Variants in RIF1 observed in about 807,000 individuals in gnomAD.
RIF1 encodes telomere-associated protein RIF1.
RIF1 carries 45 observed loss-of-function variants against 247.1 expected under a neutral mutation model. The ratio of observed to expected loss-of-function variants is 0.18; its 90% confidence interval spans 0.14 to 0.23. The LOEUF (loss-of-function observed/expected upper bound fraction) is 0.23. RIF1 is among the 10% of genes least tolerant of loss of function. The pLI, the probability that RIF1 is intolerant of heterozygous loss-of-function variation, is 1.00. For synonymous variants in RIF1, 1,087 were observed against 978.8 expected, an observed-to-expected ratio of 1.11 and a Z score of -2.06; for missense variants, 2,967 against 2,862.5, an observed-to-expected ratio of 1.04 and a Z score of -0.83.
rs765531301 is a variant in RIF1, at chr2:151,435,501, T to A, written c.1116T>A (p.Asp372Glu). The change falls in exon 11 of 36, where the codon GAT becomes GAA. Residue 372 changes from aspartate (D) to glutamate (E), a missense_variant. Around this residue, in one of 7 missense-constraint regions of RIF1, gnomAD observed 369 missense variants for 322.0 expected, o/e 1.15. Coordinates refer to ENST00000444746, the MANE Select transcript of RIF1 (RefSeq NM_018151.5). ...VPLIQSTISIDSNASPQGNSC... is the reference protein window; with the variant it reads ...VPLIQSTISIESNASPQGNSC... ...TGATTCAAAGTACAATAAGCATTGA[T>A]TCTAATGCCTCACCTCAGGGCAATT... The A allele has an allele frequency of 6.2e-7, 1 of 1,612,784 alleles. No individual in the cohort carries two copies. Among genetic ancestry groups the A allele is most frequent in the Admixed American group, 1.7e-5 (1 of 60,018 alleles).
At position 151,410,011 on chromosome 2, in the gene RIF1, G is replaced by A. The variant is rs1422795461; in HGVS notation, c.-33G>A. On this transcript the variant is annotated 5_prime_UTR_variant, in exon 1 of 36. Coordinates refer to ENST00000444746, the MANE Select transcript of RIF1 (RefSeq NM_018151.5). ...GGGTGCTGAGGGGCAGAGGCGGAGA[G>A]AACCCTGTCCTGATCTTCCTAGGTG... The A allele has an allele frequency of 2.8e-6, 2 of 702,754 alleles. No homozygotes were observed. The highest frequency in any genetic ancestry group is 3.5e-5 in the African/African-American group (2 of 57,282). The allele number at this position is 702,754 out of a possible 1,614,324, so 43.5% of individuals were successfully genotyped here. A position where few individuals can be genotyped will look rare whatever the true frequency, so the allele number is the denominator to read the frequency against.
rs919820878 is a variant in RIF1 at position 151,481,922 on chromosome 2, G to A, written c.*6851G>A. The A allele has an allele frequency of 2.6e-5, 4 of 152,188 alleles. No homozygotes were observed. Among genetic ancestry groups the A allele is most frequent in the Admixed American group, 6.5e-5 (1 of 15,274 alleles). 9.4% of individuals were successfully genotyped at this position (152,188 alleles called of 1,614,324 possible). A position where few individuals can be genotyped will look rare whatever the true frequency, so the allele number is the denominator to read the frequency against. On this transcript the variant is annotated 3_prime_UTR_variant, in exon 36 of 36. Coordinates refer to ENST00000444746, the MANE Select transcript of RIF1 (RefSeq NM_018151.5). Reference sequence around the variant, plus strand: ...CTGTGTCTGTGGAAATTGTCTCCACGAAACCGGTCCCTGTTGAAAAAAGGT... The same window carrying A: ...CTGTGTCTGTGGAAATTGTCTCCACAAAACCGGTCCCTGTTGAAAAAAGGT...
At chr2:151,418,571 C>T (rs1157570172) in intron 6 of RIF1, among the ~76,000 whole-genome samples, 1 of 152,056 alleles carries the variant, frequency 6.6e-6, no homozygotes, top group Admixed American at 6.6e-5. Flanking sequence ...TTTGGCCAGG[C>T]ACAGTGGTTC....
chr2:151,513,868 G>C, the RIF1 span, among the ~76,000 whole-genome samples: 188 of 152,322 alleles, frequency 1.2e-3, no homozygotes, highest in African/African-American at 4.2e-3. Context: ...GTCTTCAGAA[G>C]CCCTCTGGAG....
At chr2:151,487,069 G>T (rs1009926272), downstream of RIF1, among the ~76,000 whole-genome samples, 1 of 152,202 alleles carries the variant, frequency 6.6e-6, no homozygotes, top group African/African-American at 2.4e-5. Context: ...GCATGTGCGT[G>T]TGTGTGTACT....
chr2:151,436,980 A>G lies in RIF1; in HGVS notation c.1349A>G (p.Gln450Arg), dbSNP rs1357651978. ...CCAGAAGCCTTGAGTTTTGCTAAGCAAAATAAACTTGTGCTGAGCTTAGGT... is the reference window on the plus strand; with the variant it reads ...CCAGAAGCCTTGAGTTTTGCTAAGCGAAATAAACTTGTGCTGAGCTTAGGT... ...LGPEALSFAK[Q>R]NKLVLSLEPL... The change falls in exon 12 of 36, where the codon CAA (glutamine) becomes CGA (arginine). Residue 450 changes from glutamine to arginine, a missense_variant. By Grantham distance (43) the Gln-to-Arg change is conservative (BLOSUM62 1). Around this residue, in one of 7 missense-constraint regions of RIF1, gnomAD observed 369 missense variants for 322.0 expected, o/e 1.15. Coordinates refer to ENST00000444746, the MANE Select transcript of RIF1 (RefSeq NM_018151.5). The G allele has an allele frequency of 1.2e-6, 2 of 1,612,712 alleles. No homozygotes were observed. The highest frequency in any genetic ancestry group is 2.2e-5 in the East Asian group (1 of 44,892).
At chr2:151,482,303 C>A (rs77264757), downstream of RIF1, 6 of 151,972 alleles carry the variant, frequency 3.9e-5, no homozygotes, top group African/African-American at 7.3e-5. Flanking sequence ...AAACATGAAC[C>A]CTTCCTTTTC....
At position 151,410,182 on chromosome 2, in the gene RIF1, T is replaced by C. The variant is rs548496337; in HGVS notation, c.-11+149T>C. 1.6e-5 allele frequency: 10 copies of C among 641,512 alleles called. No individual in the cohort carries two copies. In the East Asian group the frequency reaches 2.7e-4, roughly 17 times the overall value. The allele number at this position is 641,512 out of a possible 1,614,324, so 39.7% of individuals were successfully genotyped here. ...CTCTGTTGAAAGCTGCCCGGGAAAG[T>C]GGTGGCGGGAGCGGGCCCAGGCCCG... On this transcript the variant is annotated intron_variant, in intron 1 of 35. Transcript: ENST00000444746.
At chr2:151,498,327 G>A in intron 10 of RIF1, 1 of 1,550,800 alleles carries the variant, frequency 6.4e-7, no homozygotes, top group Non-Finnish European at 8.7e-7. Context: ...TGGAATTCCT[G>A]TCCCCAGGTT....
rs150672982 is a variant in RIF1, at chr2:151,464,758, C to A, written c.5238C>A (p.Leu1746=). Residue 1746 remains leucine (L), a synonymous_variant, in exon 30 of 36, where the codon CTC becomes CTA. Coordinates refer to ENST00000444746, the MANE Select transcript of RIF1 (RefSeq NM_018151.5). ...AATCACAACCTCAGGAAAAGTCACT[C>A]ATTGGGTTAAAGAATACAGAAAATA... ...GEKSQPQEKS[L]IGLKNTENND... 2 of 1,613,710 alleles carry A rather than the reference C, an allele frequency of 1.2e-6. No individual in the cohort carries two copies. The highest frequency in any genetic ancestry group is 1.7e-6 in the Non-Finnish European group (2 of 1,179,896).
At chr2:151,417,109 T>C (rs1330136528) in intron 6 of RIF1, among the ~76,000 whole-genome samples, 1 of 152,162 alleles carries the variant, frequency 6.6e-6, no homozygotes, top group African/African-American at 2.4e-5. Flanking sequence ...ACTGGGACCA[T>C]GTTCAAGGTG....
Position 151,480,017 on chromosome 2 carries a change from T to C in RIF1, c.*4946T>C, listed in dbSNP as rs553128038. On this transcript the variant is annotated 3_prime_UTR_variant, in exon 36 of 36. Coordinates refer to ENST00000444746, the MANE Select transcript of RIF1 (RefSeq NM_018151.5). ...ATATTTAATATAGTAGTCTAAACAG[T>C]TGTGAGAATTTACTCAGTTCTGAAA... The C allele has an allele frequency of 2.8e-4, 43 of 152,278 alleles. No homozygotes were observed. Among genetic ancestry groups the C allele is most frequent in the Middle Eastern group, 3.4e-3 (1 of 294 alleles). 9.4% of individuals were successfully genotyped at this position (152,278 alleles called of 1,614,324 possible).
intron 11 of RIF1, among the ~76,000 whole-genome samples, chr2:151,436,540 C>CA (rs561444176): frequency 0.035 from 2,118 of 60,300 alleles, 54 homozygotes; most frequent in East Asian, 0.19. Context: ...GACTCTGTCT[C>CA]AAAAAAAAAA....
intron 9 of RIF1, chr2:151,492,030 A>G (rs1442190012): frequency 8.8e-6 from 13 of 1,478,916 alleles, no homozygotes; most frequent in Non-Finnish European, 1.1e-5. Flanking sequence ...TGATGTAGGT[A>G]ATGCTACTTT....
rs1696498600 is a variant in RIF1 at position 151,463,539 on chromosome 2, A to G, written c.4019A>G (p.Asp1340Gly). Residue 1340 changes from aspartate (D) to glycine (G), a missense_variant, in exon 30 of 36, where the codon GAT becomes GGT. This residue lies in a region of RIF1 where 2,028 missense variants were observed against 1,825.6 expected (regional missense o/e 1.11). Coordinates refer to ENST00000444746, the MANE Select transcript of RIF1 (RefSeq NM_018151.5). ...CTTAATCAAACAGAATGTGTGTCAG[A>G]TAATCAGGTTCATCTTTCTGAATCT... ...GLLNQTECVS[D>G]NQVHLSESTM... 6.2e-7 allele frequency: 1 copy of G among 1,613,940 alleles called. No individual in the cohort carries two copies. The highest frequency in any genetic ancestry group is 1.3e-5 in the African/African-American group (1 of 74,942).
chr2:151,474,049 C>T lies in RIF1; in HGVS notation c.7181C>T (p.Pro2394Leu). 6.5e-7 allele frequency: 1 copy of T among 1,535,988 alleles called. No individual in the cohort carries two copies. The highest frequency in any genetic ancestry group is 9.0e-7 in the Non-Finnish European group (1 of 1,112,976). The change falls in exon 35 of 36, where the codon CCT becomes CTT. Residue 2394 changes from proline (P) to leucine (L), a missense_variant. Around this residue, in one of 7 missense-constraint regions of RIF1, gnomAD observed 151 missense variants for 163.4 expected, o/e 0.92. Transcript: ENST00000444746. ...GGAATAGAAAATAAATCTTTGTCACCTGATGAAGAAAGACTTGTCTCAGGT... is the reference window on the plus strand; with the variant it reads ...GGAATAGAAAATAAATCTTTGTCACTTGATGAAGAAAGACTTGTCTCAGGT... Reference protein sequence around the residue: ...VNGIENKSLSPDEERLVSDII... With the variant: ...VNGIENKSLSLDEERLVSDII...
At chr2:151,425,660 CTT>C (rs34032157) in intron 8 of RIF1, among the ~76,000 whole-genome samples, 2 of 83,686 alleles carry the variant, frequency 2.4e-5, no homozygotes, top group South Asian at 5.3e-4. Flanking sequence ...TTGTGGTACC[CTT>C]TTTTTTTTTT....
chr2:151,414,708 C>T, intron 3 of RIF1, 115 bp from the exon 4 acceptor site: 3 of 654,980 alleles, frequency 4.6e-6, no homozygotes, highest in Non-Finnish European at 7.9e-6. Context: ...TGCGTATTCT[C>T]AAGGATTTGT....
At chr2:151,530,779 G>T in the RIF1 span, 1 of 406,850 alleles carries the variant, frequency 2.5e-6, no homozygotes. Flanking sequence ...TGGCTTGACT[G>T]AGCCCCAGGT....
Sources: allele counts gnomAD v4.1 joint callset (sites outside exome capture counted in the v4.1 genomes callset), GRCh38; gene constraint gnomAD v4.1.1; regional missense constraint gnomAD v4.1.1; transcripts MANE v1.5; gene names NCBI Gene and HGNC (gene_info 2026-07-23, HGNC 2026-07-21).